Variants in PTPRD observed in about 807,000 individuals in gnomAD.
PTPRD encodes protein tyrosine phosphatase receptor type D.
Under a neutral mutation model 214.5 loss-of-function variants are expected in PTPRD, and 34 were observed. The ratio of observed to expected loss-of-function variants is 0.16; its 90% confidence interval spans 0.12 to 0.21. PTPRD has a LOEUF of 0.21. Among genes scored for constraint, PTPRD ranks in the 10% least tolerant of loss-of-function variants. The pLI, the probability that PTPRD is intolerant of heterozygous loss-of-function variation, is 1.00. For missense variants in PTPRD, 2,545 were observed against 2,398.7 expected (o/e 1.06, Z -1.27); for synonymous variants, 1,128 against 845.7 (o/e 1.33, Z -5.79).
chr9:8,639,926 T>A (rs1286349142), intron 12 of PTPRD, among the ~76,000 whole-genome samples: 1 of 152,278 alleles, frequency 6.6e-6, no homozygotes, highest in East Asian at 1.9e-4. Flanking sequence ...TGGTCAGGCA[T>A]TGAAGTTTTT....
intron 10 of PTPRD, among the ~76,000 whole-genome samples, chr9:9,087,080 A>T (rs1168847946): frequency 6.6e-6 from 1 of 152,156 alleles, no homozygotes; most frequent in Non-Finnish European, 1.5e-5. Flanking sequence ...CACACACAGA[A>T]AACACTGATT....
chr9:9,052,488 T>TG (rs1182657456), intron 10 of PTPRD, among the ~76,000 whole-genome samples: 2 of 152,200 alleles, frequency 1.3e-5, no homozygotes, highest in African/African-American at 4.8e-5. Context: ...GGTAAAGTGT[T>TG]GTTCAATGTA....
intron 9 of PTPRD, among the ~76,000 whole-genome samples, chr9:9,190,073 G>T (rs982687897): frequency 4.8e-4 from 73 of 152,076 alleles, no homozygotes; most frequent in African/African-American, 1.7e-3. Flanking sequence ...GTTTGAATGT[G>T]TCCTCCAAAG....
chr9:8,343,973 T>A (rs1215865411), intron 39 of PTPRD, among the ~76,000 whole-genome samples: 1 of 152,054 alleles, frequency 6.6e-6, no homozygotes, highest in African/African-American at 2.4e-5. Flanking sequence ...GCATAGTGTT[T>A]GATCAGGAAT....
intron 14 of PTPRD, among the ~76,000 whole-genome samples, chr9:8,601,119 T>A (rs1415939267): frequency 6.6e-6 from 1 of 152,108 alleles, no homozygotes; most frequent in Non-Finnish European, 1.5e-5. Flanking sequence ...GTACTCCCTA[T>A]GGGCCCGTGG....
At chr9:10,143,757 C>T (rs1160225865) in intron 3 of PTPRD, among the ~76,000 whole-genome samples, 4 of 152,086 alleles carry the variant, frequency 2.6e-5, no homozygotes, top group Non-Finnish European at 5.9e-5. Context: ...TTTGCAGCAA[C>T]ATGGATGCAA....
chr9:9,020,714 T>C (rs950313470), intron 10 of PTPRD, among the ~76,000 whole-genome samples: 3 of 152,186 alleles, frequency 2.0e-5, no homozygotes, highest in East Asian at 1.9e-4. Flanking sequence ...TAAGTGTTTC[T>C]AGAAGCCAGA....
At chr9:9,102,398 A>C (rs1309951558) in intron 10 of PTPRD, among the ~76,000 whole-genome samples, 4 of 152,310 alleles carry the variant, frequency 2.6e-5, no homozygotes, top group African/African-American at 9.6e-5. Flanking sequence ...TGAGCCATTG[A>C]ACCAGAATCA....
intron 3 of PTPRD, among the ~76,000 whole-genome samples, chr9:10,204,810 C>T (rs2099459641): frequency 6.6e-6 from 1 of 152,138 alleles, no homozygotes; most frequent in South Asian, 2.1e-4. Flanking sequence ...GAAGCAATCT[C>T]TAGTTGTCAA....
chr9:10,381,802 T>C (rs1468451771), intron 2 of PTPRD, among the ~76,000 whole-genome samples: 2 of 151,978 alleles, frequency 1.3e-5, no homozygotes, highest in Non-Finnish European at 2.9e-5. Flanking sequence ...TCATACATAA[T>C]GGCTTATTAT....
At chr9:9,207,283 G>T (rs572592112) in intron 9 of PTPRD, among the ~76,000 whole-genome samples, 23 of 152,132 alleles carry the variant, frequency 1.5e-4, no homozygotes, top group African/African-American at 2.4e-5. Context: ...ATAGACAACC[G>T]CATGGAGACA....
intron 14 of PTPRD, among the ~76,000 whole-genome samples, chr9:8,551,492 C>G (rs2082093483): frequency 6.6e-6 from 1 of 151,336 alleles, no homozygotes; most frequent in Admixed American, 6.6e-5. Flanking sequence ...CCTTTTCTTC[C>G]TCTTTGTTTT....
intron 6 of PTPRD, among the ~76,000 whole-genome samples, chr9:9,752,789 A>G (rs1196986793): frequency 6.6e-6 from 1 of 152,048 alleles, no homozygotes; most frequent in African/African-American, 2.4e-5. Flanking sequence ...TCCATTAAAT[A>G]TGGCCTGGCA....
chr9:10,199,945 C>T (rs1050651961), intron 3 of PTPRD, among the ~76,000 whole-genome samples: 8 of 151,554 alleles, frequency 5.3e-5, no homozygotes, highest in Non-Finnish European at 1.2e-4. Flanking sequence ...ATCCTTCATA[C>T]TGAGGAAATA....
At chr9:10,513,670 G>A (rs1334711523) in intron 2 of PTPRD, among the ~76,000 whole-genome samples, 26 of 152,136 alleles carry the variant, frequency 1.7e-4, no homozygotes, top group Admixed American at 1.7e-3. Flanking sequence ...AAGGTGATGT[G>A]TGTCACTTCC....
chr9:9,260,262 G>T (rs16929122), intron 9 of PTPRD, among the ~76,000 whole-genome samples: 3 of 151,716 alleles, frequency 2.0e-5, no homozygotes, highest in African/African-American at 4.8e-5. Context: ...CCCTGAACTT[G>T]AAATATGGAA....
chr9:9,533,995 C>G (rs1358591354), intron 8 of PTPRD, among the ~76,000 whole-genome samples: 1 of 151,866 alleles, frequency 6.6e-6, no homozygotes, highest in Non-Finnish European at 1.5e-5. Context: ...GTTAAAATTG[C>G]TAAATAAACA....
rs932691954 is a variant in PTPRD, at chr9:8,326,267, T to C, written c.5534+5315A>G. On this transcript the variant is annotated intron_variant, in intron 44 of 45. Coordinates refer to ENST00000381196, the MANE Select transcript of PTPRD (RefSeq NM_002839.4). ...CCATCAGTACCTAGTTTTTTGAGAGTTGTTAGCATAAAGGGCTCATGAATT... is the reference window on the plus strand; with the variant it reads ...CCATCAGTACCTAGTTTTTTGAGAGCTGTTAGCATAAAGGGCTCATGAATT... Among the ~76,000 whole-genome samples the C allele has an allele frequency of 1.3e-4, 20 of 152,294 alleles. No individual in the cohort carries two copies. The East Asian group carries it at 3.5e-3, about 26-fold the overall frequency.
chr9:10,254,501 C>T (rs1482512513), intron 3 of PTPRD, among the ~76,000 whole-genome samples: 1 of 151,914 alleles, frequency 6.6e-6, no homozygotes, highest in Non-Finnish European at 1.5e-5. Flanking sequence ...CATGATGTAA[C>T]ATCTTCAGTA....
Sources: gnomAD v4.1 joint callset for allele counts (sites outside exome capture counted in the v4.1 genomes callset) on GRCh38, gnomAD v4.1.1 for gene constraint, MANE v1.5 for transcripts, NCBI Gene and HGNC (gene_info 2026-07-23, HGNC 2026-07-21) for gene names.